RANBP10: variants seen among roughly 807,000 people sequenced by gnomAD.
The protein encoded by RANBP10 is RAN binding protein 10, also known as ran-binding protein 10.
A neutral mutation model predicts 72.8 loss-of-function variants in RANBP10; 24 were observed. The ratio of observed to expected loss-of-function variants is 0.33; its 90% CI spans 0.24 to 0.46. The LOEUF (loss-of-function observed/expected upper bound fraction) is 0.46. RANBP10 is among the 20% of genes least tolerant of loss of function. RANBP10 has a pLI of 1.00. For synonymous variants in RANBP10, 310 were observed against 322.3 expected (o/e 0.96, Z 0.41); for missense variants, 679 against 817.5 (o/e 0.83, Z 2.07).
At chr16:67,737,839 G>A (rs1209602440) in intron 5 of RANBP10, among the ~76,000 whole-genome samples, 174 bp downstream of exon 5, 1 of 152,158 alleles carries the variant, frequency 6.6e-6, no homozygotes, top group Non-Finnish European at 1.5e-5. Flanking sequence ...TACTGCTGGA[G>A]AGAGAGGAAG....
intron 3 of RANBP10, among the ~76,000 whole-genome samples, chr16:67,758,046 C>A (rs1228011192): frequency 6.6e-6 from 1 of 152,166 alleles, no homozygotes; most frequent in African/African-American, 2.4e-5. Flanking sequence ...AAGTCATGGG[C>A]AGGGCAAGGA....
chr16:67,798,899 G>C (rs978297580), intron 2 of RANBP10, among the ~76,000 whole-genome samples: 2 of 151,936 alleles, frequency 1.3e-5, no homozygotes, highest in Admixed American at 1.3e-4. Flanking sequence ...TACAGCCCAC[G>C]CTCCCTGGCC....
intron 3 of RANBP10, among the ~76,000 whole-genome samples, chr16:67,748,614 GGCTGGTCTCAAACTCCT>G (rs1851823805): frequency 6.6e-6 from 1 of 152,026 alleles, no homozygotes; most frequent in Admixed American, 6.6e-5. Context: ...ATGTTGCCCA[GGCTGGTCTCAAACTCCT>G]GGCCTCAAGC....
Position 67,744,422 on chromosome 16 carries a change from T to A in RANBP10, c.434A>T (p.Asp145Val). The A allele has an allele frequency of 6.2e-7, 1 of 1,614,152 alleles. No individual in the cohort carries two copies. The highest frequency in any genetic ancestry group is 8.5e-7 in the Non-Finnish European group (1 of 1,180,010). The change falls in exon 4 of 14, where the codon GAT (aspartate) becomes GTT (valine). Residue 145 changes from aspartate (D) to valine (V), a missense_variant. Asp to Val is a radical substitution (Grantham distance 152). Coordinates refer to ENST00000317506, the MANE Select transcript of RANBP10 (RefSeq NM_020850.3). ...WDKHSYGYHG[D>V]DGHSFCSSGT... is the part of the protein sequence containing the mutation. ...CGAGGAGCAGAACGAATGCCCATCA[T>A]CACCATGGTAACCATAGGAATGTTT...
chr16:67,772,090 CAAAAAAA>C lies in RANBP10; in HGVS notation c.348-11_348-5del, dbSNP rs35741053. On this transcript the variant is annotated splice_polypyrimidine_tract_variant and splice_region_variant and intron_variant, in intron 2 of 13. Coordinates refer to ENST00000317506, the MANE Select transcript of RANBP10 (RefSeq NM_020850.3). ...CGAGAGTCCTATTCCCATGTAACTT[CAAAAAAA>C]AAAAAAAAAAAAACACAAAATTTTT... 13 of 1,316,412 alleles carry C rather than the reference CAAAAAAA, an allele frequency of 9.9e-6. No homozygotes were observed. The East Asian group carries it at 1.1e-4, about 12-fold the overall frequency. The allele number at this position is 1,316,412 out of a possible 1,614,324, so 81.5% of individuals were successfully genotyped here.
chr16:67,772,526 C>T (rs1391367193), intron 2 of RANBP10, among the ~76,000 whole-genome samples: 1 of 152,116 alleles, frequency 6.6e-6, no homozygotes, highest in Non-Finnish European at 1.5e-5. Flanking sequence ...CATGGTAAAG[C>T]CAAGTTGGAT....
chr16:67,748,986 C>G (rs1033371393), intron 3 of RANBP10, among the ~76,000 whole-genome samples: 1 of 152,178 alleles, frequency 6.6e-6, no homozygotes, highest in Non-Finnish European at 1.5e-5. Flanking sequence ...TGGGTAGAGG[C>G]TCTCTCCTGA....
At chr16:67,783,996 T>C (rs2054861396) in intron 2 of RANBP10, among the ~76,000 whole-genome samples, 1 of 136,488 alleles carries the variant, frequency 7.3e-6, no homozygotes, top group South Asian at 2.2e-4. Flanking sequence ...TGAGCCAAGA[T>C]GGCGCCACTG....
intron 2 of RANBP10, among the ~76,000 whole-genome samples, chr16:67,786,938 C>T (rs981344273): frequency 2.6e-5 from 4 of 151,152 alleles, no homozygotes; most frequent in African/African-American, 9.7e-5. Flanking sequence ...AAAACAACAA[C>T]GAAAAAATAG....
chr16:67,735,181 C>A (rs1365670053), intron 5 of RANBP10, 139 bp from the exon 6 acceptor site: 2 of 732,732 alleles, frequency 2.7e-6, no homozygotes, highest in Non-Finnish European at 4.3e-6. Context: ...GGCGGAGCCA[C>A]CTCTGTCCAC....
intron 2 of RANBP10, among the ~76,000 whole-genome samples, chr16:67,779,561 T>C (rs2054774146): frequency 1.3e-5 from 2 of 152,150 alleles, no homozygotes; most frequent in African/African-American, 4.8e-5. Context: ...AGAATCCCCA[T>C]AGGAGGCCAC....
At chr16:67,758,328 T>C (rs2054328940) in intron 3 of RANBP10, among the ~76,000 whole-genome samples, 1 of 152,234 alleles carries the variant, frequency 6.6e-6, no homozygotes, top group African/African-American at 2.4e-5. Context: ...CAACATCAGC[T>C]TGCCAGGCTA....
chr16:67,754,097 C>A (rs973809304), intron 3 of RANBP10, among the ~76,000 whole-genome samples: 1 of 148,548 alleles, frequency 6.7e-6, no homozygotes, highest in Non-Finnish European at 1.5e-5. Context: ...CGCACCACTG[C>A]ACTCCAGCCT....
chr16:67,805,649 C>A lies in RANBP10; in HGVS notation c.236-110G>T, dbSNP rs2055376466. ...ACTCCACTCCTCTGTGGCCAGAGGA[C>A]GCACTTACACAGGCCGAGGAATCAT... On this transcript the variant is annotated intron_variant, in intron 1 of 13. Coordinates refer to ENST00000317506, the MANE Select transcript of RANBP10 (RefSeq NM_020850.3). The A allele has an allele frequency of 3.7e-6, 3 of 818,388 alleles. No homozygotes were observed. The East Asian group carries it at 8.0e-5, about 22-fold the overall frequency. 50.7% of individuals were successfully genotyped at this position (818,388 alleles called of 1,614,324 possible). A position where few individuals can be genotyped will look rare whatever the true frequency, so the allele number is the denominator to read the frequency against.
At chr16:67,767,348 T>C (rs2054521832) in intron 3 of RANBP10, among the ~76,000 whole-genome samples, 1 of 151,272 alleles carries the variant, frequency 6.6e-6, no homozygotes, top group South Asian at 2.1e-4. Flanking sequence ...TCCCAGCTAC[T>C]TGGGAGGCTG....
intron 4 of RANBP10, among the ~76,000 whole-genome samples, chr16:67,740,793 C>T (rs967288779): frequency 2.6e-5 from 4 of 152,214 alleles, no homozygotes; most frequent in Non-Finnish European, 4.4e-5. Context: ...CACTGAGGGA[C>T]GCTCATAAGC....
chr16:67,761,477 G>T (rs1269791229), intron 3 of RANBP10, among the ~76,000 whole-genome samples: 1 of 152,180 alleles, frequency 6.6e-6, no homozygotes, highest in African/African-American at 2.4e-5. Context: ...TACTAAACAC[G>T]CCTATTCAAA....
At chr16:67,784,528 T>C (rs55699031) in intron 2 of RANBP10, among the ~76,000 whole-genome samples, 21,480 of 152,158 alleles carry the variant, frequency 0.14, 1,730 homozygotes, top group African/African-American at 0.21. Context: ...TGGTGGCCCA[T>C]GCCTCTAATC....
chr16:67,758,125 A>G (rs550158617), intron 3 of RANBP10, among the ~76,000 whole-genome samples: 1 of 152,242 alleles, frequency 6.6e-6, no homozygotes, highest in Admixed American at 6.5e-5. Context: ...CAGAAGAAGT[A>G]GATTCCTGAT....
Sources: gnomAD v4.1 joint callset for allele counts (sites outside exome capture counted in the v4.1 genomes callset) on GRCh38, gnomAD v4.1.1 for gene constraint, MANE v1.5 for transcripts, NCBI Gene and HGNC (gene_info 2026-07-23, HGNC 2026-07-21) for gene names.